The following NAA60 variants were observed in gnomAD, a reference collection of about 807,000 sequenced individuals.
NAA60 encodes N-alpha-acetyltransferase 60, NatF catalytic subunit, also known as N-alpha-acetyltransferase 60.
NAA60 carries 8 observed loss-of-function variants against 26.1 expected under a neutral mutation model. That is an observed-to-expected ratio of 0.31 (90% confidence interval 0.18 to 0.55). The LOEUF (loss-of-function observed/expected upper bound fraction) is 0.55. NAA60 is among the 20% of genes least tolerant of loss of function. The pLI is 0.93. For synonymous variants in NAA60, 131 were observed against 122.5 expected (o/e 1.07, Z -0.46); for missense variants, 290 against 311.3 (o/e 0.93, Z 0.51).
At position 3,484,886 on chromosome 16, in the gene NAA60, C is replaced by T. The variant is rs2037073370; in HGVS notation, c.*31C>T. The T allele has an allele frequency of 2.6e-6, 4 of 1,551,046 alleles. No individual in the cohort carries two copies. The highest frequency in any genetic ancestry group is 3.5e-6 in the Non-Finnish European group (4 of 1,147,580). On this transcript the variant is annotated 3_prime_UTR_variant, in exon 7 of 8. Transcript: ENST00000407558. ...GCTGGGCAGCCGCCACCAGGCCCCA[C>T]CCTTCGGCCGCCCGCAGAGCCCGCC...
intron 1 of NAA60, among the ~76,000 whole-genome samples, chr16:3,446,367 T>C (rs1025656677): frequency 6.6e-6 from 1 of 151,650 alleles, no homozygotes; most frequent in Non-Finnish European, 1.5e-5. Flanking sequence ...CCATCTATAC[T>C]AAAAATACAA....
Position 3,484,756 on chromosome 16 carries a change from G to T in NAA60, c.630G>T (p.Pro210=), listed in dbSNP as rs1011734317. ...ALASLSPCSI[P]HRVYRQAHSL... is the part of the protein sequence containing the mutation. ...CCAGCCTGAGCCCCTGCTCCATTCCGCACAGAGTCTACCGCCAGGCCCACA... is the reference window on the plus strand; with the variant it reads ...CCAGCCTGAGCCCCTGCTCCATTCCTCACAGAGTCTACCGCCAGGCCCACA... The change falls in exon 7 of 8, where the codon CCG becomes CCT. Residue 210 remains proline, a synonymous_variant. Transcript: ENST00000407558. The T allele has an allele frequency of 5.6e-6, 9 of 1,594,076 alleles. No individual in the cohort carries two copies. Among genetic ancestry groups the T allele is most frequent in the Non-Finnish European group, 7.7e-6 (9 of 1,171,350 alleles).
At chr16:3,467,777 C>T (rs1450017543) in intron 2 of NAA60, 2 of 152,194 alleles carry the variant, frequency 1.3e-5, no homozygotes, top group Non-Finnish European at 2.9e-5. Flanking sequence ...GCATCATAGT[C>T]CCCTGTGGGC....
chr16:3,448,698 CT>C, intron 2 of NAA60, 158 bp downstream of exon 2: 1 of 607,264 alleles, frequency 1.6e-6, no homozygotes, highest in Non-Finnish European at 2.8e-6. Flanking sequence ...AATGCTTTCA[CT>C]TTTTTGCTAG....
intron 2 of NAA60, chr16:3,458,043 C>T (rs903665436): frequency 3.0e-6 from 3 of 985,144 alleles, no homozygotes; most frequent in Admixed American, 6.2e-5. Context: ...CCGCGGGCTG[C>T]CGCCTCCGTC....
chr16:3,452,653 CAAA>C (rs57798902), intron 2 of NAA60, among the ~76,000 whole-genome samples: 1 of 135,342 alleles, frequency 7.4e-6, no homozygotes. Flanking sequence ...GACCCCGTCT[CAAA>C]AAAAAAAAAA....
intron 2 of NAA60, among the ~76,000 whole-genome samples, chr16:3,450,358 G>A (rs1161382809): frequency 2.6e-5 from 4 of 152,112 alleles, no homozygotes; most frequent in African/African-American, 9.7e-5. Flanking sequence ...GGTCTGCCTA[G>A]GAAGGCTGGT....
intron 1 of NAA60, 187 bp downstream of exon 1, chr16:3,444,024 C>T: frequency 6.0e-6 from 7 of 1,172,426 alleles, no homozygotes; most frequent in Non-Finnish European, 7.7e-6. Flanking sequence ...TCGGTGTAGG[C>T]CAGGTTGCTG....
intron 2 of NAA60, among the ~76,000 whole-genome samples, chr16:3,456,413 G>C (rs1242284970): frequency 6.6e-6 from 1 of 152,068 alleles, no homozygotes; most frequent in African/African-American, 2.4e-5. Context: ...AGTGGGAAAG[G>C]GGAGAGGAAG....
intron 3 of NAA60, among the ~76,000 whole-genome samples, chr16:3,476,548 AG>A (rs1349040723): frequency 6.6e-6 from 1 of 152,226 alleles, no homozygotes; most frequent in African/African-American, 2.4e-5. Flanking sequence ...AGAGTTCCCC[AG>A]AAGGGCTCTG....
intron 2 of NAA60, among the ~76,000 whole-genome samples, chr16:3,452,846 T>C (rs1162606384): frequency 6.6e-6 from 1 of 151,908 alleles, no homozygotes; most frequent in Non-Finnish European, 1.5e-5. Context: ...TCCCAGCTAC[T>C]GGGGAGGCTG....
At chr16:3,449,884 G>A (rs1162178097) in intron 2 of NAA60, 5 of 387,154 alleles carry the variant, frequency 1.3e-5, no homozygotes, top group African/African-American at 2.1e-5. Flanking sequence ...GCCACCATGT[G>A]AGACATGCCT....
intron 2 of NAA60, among the ~76,000 whole-genome samples, chr16:3,474,772 C>T (rs76388715): frequency 3.1e-4 from 47 of 152,304 alleles, no homozygotes; most frequent in Admixed American, 1.6e-3. Flanking sequence ...TGTTTGACTC[C>T]GTCATTTCTG....
chr16:3,475,875 G>A (rs1357785685), intron 2 of NAA60, among the ~76,000 whole-genome samples: 1 of 152,266 alleles, frequency 6.6e-6, no homozygotes, highest in Non-Finnish European at 1.5e-5. Context: ...CAGGCTGGCT[G>A]GGGCCGTTGA....
At chr16:3,462,618 G>C (rs1361215200) in intron 2 of NAA60, 1 of 152,124 alleles carries the variant, frequency 6.6e-6, no homozygotes, top group African/African-American at 2.4e-5. Context: ...TGCTTGATGA[G>C]TTGACATGGC....
chr16:3,462,941 TA>T (rs1375908891), intron 2 of NAA60, among the ~76,000 whole-genome samples: 2 of 152,222 alleles, frequency 1.3e-5, no homozygotes, highest in Non-Finnish European at 2.9e-5. Context: ...AATTTCTAAA[TA>T]TTTTTTAAAA....
At chr16:3,475,794 G>A (rs1446367802) in intron 2 of NAA60, among the ~76,000 whole-genome samples, 1 of 152,250 alleles carries the variant, frequency 6.6e-6, no homozygotes, top group African/African-American at 2.4e-5. Flanking sequence ...CTGCTTTGAA[G>A]GGGGATGAGG....
chr16:3,460,640 C>A (rs533202809), intron 2 of NAA60, among the ~76,000 whole-genome samples: 1 of 152,344 alleles, frequency 6.6e-6, no homozygotes, highest in African/African-American at 2.4e-5. Flanking sequence ...TCTGGGATTA[C>A]AGGCGTGAGC....
chr16:3,443,631 T>A (rs2034431632), upstream of NAA60: 1 of 999,780 alleles, frequency 1.0e-6, no homozygotes. Context: ...CTGTAGCCAC[T>A]GGGCAGCTGC....
Sources: allele counts gnomAD v4.1 joint callset (sites outside exome capture counted in the v4.1 genomes callset), GRCh38; gene constraint gnomAD v4.1.1; transcripts MANE v1.5; gene names NCBI Gene and HGNC (gene_info 2026-07-23, HGNC 2026-07-21).